The following FGF14 variants were observed in gnomAD, a reference collection of about 807,000 sequenced individuals.
FGF14 encodes fibroblast growth factor 14, also known as fibroblast growth factor homologous factor 4.
A neutral mutation model predicts 25.5 loss-of-function variants in FGF14; 5 were observed. The observed-to-expected ratio is 0.20, with a 90% confidence interval of 0.10 to 0.41. The LOEUF is 0.41. Ranked by LOEUF, FGF14 falls within the 10% of genes least tolerant of loss-of-function variation. The pLI is 1.00. For missense variants in FGF14, 222 were observed against 320.1 expected, an observed-to-expected ratio of 0.69 and a Z score of 2.34; for synonymous variants, 138 against 118.3, an observed-to-expected ratio of 1.17 and a Z score of -1.08.
chr13:101,896,267 C>T (rs780856002), intron 1 of FGF14, among the ~76,000 whole-genome samples: 13 of 152,118 alleles, frequency 8.5e-5, no homozygotes, highest in South Asian at 2.1e-4. Flanking sequence ...CCCAAATCAA[C>T]GCTTCCCATA....
intron 1 of FGF14, among the ~76,000 whole-genome samples, chr13:102,091,838 TAAG>T (rs2044179407): frequency 6.6e-6 from 1 of 152,192 alleles, no homozygotes; most frequent in South Asian, 2.1e-4. Flanking sequence ...TTTTACTAAT[TAAG>T]AAGTGTTTGT....
chr13:102,304,264 C>G (rs1420395438), intron 1 of FGF14, among the ~76,000 whole-genome samples: 3 of 152,044 alleles, frequency 2.0e-5, no homozygotes, highest in African/African-American at 7.2e-5. Context: ...GAAGCAGCTA[C>G]CCTGAGATGC....
At chr13:101,763,436 A>G (rs2038171109) in intron 3 of FGF14, among the ~76,000 whole-genome samples, 1 of 152,244 alleles carries the variant, frequency 6.6e-6, no homozygotes, top group East Asian at 1.9e-4. Context: ...TAATAAGGAA[A>G]TACCACTTTA....
chr13:101,949,298 T>C (rs913574222), intron 1 of FGF14, among the ~76,000 whole-genome samples: 7 of 152,162 alleles, frequency 4.6e-5, no homozygotes, highest in Non-Finnish European at 8.8e-5. Context: ...TACTTTCTAA[T>C]GCGATCACTG....
At chr13:102,278,735 C>T (rs1249483687) in intron 1 of FGF14, among the ~76,000 whole-genome samples, 1 of 151,974 alleles carries the variant, frequency 6.6e-6, no homozygotes, top group Non-Finnish European at 1.5e-5. Context: ...TATCATAACG[C>T]TCATTTGTTA....
intron 1 of FGF14, among the ~76,000 whole-genome samples, chr13:101,939,904 G>C (rs534397333): frequency 2.6e-5 from 4 of 152,294 alleles, no homozygotes; most frequent in African/African-American, 9.6e-5. Context: ...AAAGAACCAT[G>C]ATATACAAGA....
intron 1 of FGF14, among the ~76,000 whole-genome samples, chr13:102,021,953 A>C (rs1175686995): frequency 6.6e-6 from 1 of 152,034 alleles, no homozygotes; most frequent in Non-Finnish European, 1.5e-5. Flanking sequence ...TAACTAGATG[A>C]TCACTAATTA....
At chr13:101,800,045 C>T (rs759735655) in intron 3 of FGF14, among the ~76,000 whole-genome samples, 21 of 152,106 alleles carry the variant, frequency 1.4e-4, no homozygotes, top group East Asian at 9.6e-4. Flanking sequence ...TCCACAGACA[C>T]GTCTCCATAG....
chr13:101,999,819 T>C (rs2039383798), intron 1 of FGF14, among the ~76,000 whole-genome samples: 1 of 152,180 alleles, frequency 6.6e-6, no homozygotes, highest in Non-Finnish European at 1.5e-5. Flanking sequence ...CTTCTGACTC[T>C]TGAAGCTATG....
rs1033461373 is a variant in FGF14 at position 102,182,231 on chromosome 13, A to T, written c.208+219240T>A. Among the ~76,000 whole-genome samples the T allele has an allele frequency of 2.6e-5, 4 of 152,136 alleles. No individual in the cohort carries two copies. In the East Asian group the frequency reaches 7.7e-4, roughly 29 times the overall value. ...GCTACATTCCCGGCCTTGAATATGA[A>T]TATGATTCCTGGTATTGAATATGAA... On this transcript the variant is annotated intron_variant, in intron 1 of 4. Coordinates refer to the FGF14 transcript ENST00000376131.
chr13:102,320,263 CAA>C (rs11312864), intron 1 of FGF14, among the ~76,000 whole-genome samples: 72 of 133,814 alleles, frequency 5.4e-4, no homozygotes, highest in Middle Eastern at 7.3e-3. Flanking sequence ...TTGAAAACTC[CAA>C]AAAAAAAAAA....
upstream of FGF14, among the ~76,000 whole-genome samples, chr13:101,919,193 G>T (rs775551750): frequency 2.6e-5 from 4 of 152,104 alleles, no homozygotes; most frequent in Non-Finnish European, 5.9e-5. Context: ...AACATTAAGA[G>T]TCACTACTCT....
intron 1 of FGF14, among the ~76,000 whole-genome samples, chr13:102,112,605 T>C (rs2045286863): frequency 6.6e-6 from 1 of 152,172 alleles, no homozygotes; most frequent in Non-Finnish European, 1.5e-5. Context: ...TTGGAATAAA[T>C]AAATAAAACC....
intron 1 of FGF14, among the ~76,000 whole-genome samples, chr13:102,082,680 CGCG>C (rs1566661759): frequency 6.6e-6 from 1 of 152,136 alleles, no homozygotes; most frequent in Non-Finnish European, 1.5e-5. Context: ...TGGGGCCGGG[CGCG>C]GTGGCTCACG....
rs149235962 is a variant in FGF14, at chr13:102,330,008, C to G, written c.208+71463G>C. 2.7e-3 allele frequency among the ~76,000 whole-genome samples: 416 copies of G among 152,280 alleles called. 5 individuals are homozygous for G. Among genetic ancestry groups the G allele is most frequent in the African/African-American group, 9.5e-3 (396 of 41,556 alleles). On this transcript the variant is annotated intron_variant, in intron 1 of 4. Coordinates refer to the FGF14 transcript ENST00000376131. ...GTTCACTTCCCCAAAGTTAAACCCG[C>G]AATCGTGCCAGTTATTCTCACTCTG...
chr13:101,821,010 T>A (rs6491647), intron 3 of FGF14, among the ~76,000 whole-genome samples: 5 of 143,088 alleles, frequency 3.5e-5, no homozygotes, highest in East Asian at 2.1e-4. Flanking sequence ...TGCAGTGGCA[T>A]GATCTCGGCT....
At chr13:102,082,596 C>G (rs2607650) in intron 1 of FGF14, among the ~76,000 whole-genome samples, 2,024 of 152,252 alleles carry the variant, frequency 0.013, 46 homozygotes, top group African/African-American at 0.047. Flanking sequence ...TGAAAATAGA[C>G]GCGTACATTC....
chr13:102,047,837 A>T (rs925892131), intron 1 of FGF14, among the ~76,000 whole-genome samples: 1 of 152,184 alleles, frequency 6.6e-6, no homozygotes, highest in African/African-American at 2.4e-5. Context: ...AATAAAAAAA[A>T]TCATCTTTAC....
intron 1 of FGF14, among the ~76,000 whole-genome samples, chr13:102,371,925 C>T (rs1469237868): frequency 6.6e-6 from 1 of 152,106 alleles, no homozygotes; most frequent in Non-Finnish European, 1.5e-5. Flanking sequence ...TATACTTATA[C>T]TATCACACAT....
Sources: gnomAD v4.1 joint callset for allele counts (sites outside exome capture counted in the v4.1 genomes callset) on GRCh38, gnomAD v4.1.1 for gene constraint, MANE v1.5 for transcripts, NCBI Gene and HGNC (gene_info 2026-07-23, HGNC 2026-07-21) for gene names.